The following SCUBE1 variants were observed in gnomAD, a reference collection of about 807,000 sequenced individuals.
SCUBE1 encodes the protein signal peptide, CUB domain and EGF like domain containing 1.
SCUBE1 carries 59 observed loss-of-function variants against 124.4 expected under a neutral mutation model. The ratio of observed to expected loss-of-function variants is 0.47; its 90% CI spans 0.38 to 0.59. The LOEUF is 0.59. SCUBE1 is among the 20% of genes least tolerant of loss of function. The probability of loss-of-function intolerance (pLI) is 0.00; values close to 1 mark genes in which losing one functional copy is unlikely to be tolerated. For synonymous variants in SCUBE1, 545 were observed against 550.9 expected (o/e 0.99, Z 0.15); for missense variants, 1,150 against 1,371.2 (o/e 0.84, Z 2.55).
At chr22:43,273,525 G>A (rs1186923267) in intron 4 of SCUBE1, among the ~76,000 whole-genome samples, 1 of 125,192 alleles carries the variant, frequency 8.0e-6, no homozygotes, top group Non-Finnish European at 1.7e-5. Context: ...AGAACTTGTT[G>A]TTGCCTAATT....
At chr22:43,220,328 T>C (rs1416068277) in intron 14 of SCUBE1, 122 bp downstream of exon 14, 1 of 1,152,818 alleles carries the variant, frequency 8.7e-7, no homozygotes, top group Non-Finnish European at 1.2e-6. Context: ...TGGGCTCCCA[T>C]CCCAGCCACA....
In SCUBE1 at chr22:43,203,033, G is replaced by C. The variant is rs958232186; in HGVS notation, c.*964C>G. The C allele has an allele frequency of 3.3e-5, 5 of 152,322 alleles. No homozygotes were observed. In the South Asian group the frequency reaches 8.3e-4, roughly 25 times the overall value. The allele number at this position is 152,322 out of a possible 1,614,324, so 9.4% of individuals were successfully genotyped here. ...CCTGGGAACGGGTCCGAGGGGAAGT[G>C]TCTTCCACTGAGTCTCGTCCAAGGG... On this transcript the variant is annotated 3_prime_UTR_variant, in exon 22 of 22. Coordinates refer to ENST00000360835, the MANE Select transcript of SCUBE1 (RefSeq NM_173050.5).
rs534635402 is a variant in SCUBE1 at position 43,330,171 on chromosome 22, G to T, written c.220+8933C>A. Among the ~76,000 whole-genome samples the T allele has an allele frequency of 5.9e-5, 9 of 152,266 alleles. No individual in the cohort carries two copies. The South Asian group carries it at 1.7e-3, about 28-fold the overall frequency. On this transcript the variant is annotated intron_variant, in intron 2 of 21. Coordinates refer to ENST00000360835, the MANE Select transcript of SCUBE1 (RefSeq NM_173050.5). ...TCTACTCAAATGCACATTCTGTAAGGCAGGTGTTGTGGCTCCCATGTGATG... is the reference window on the plus strand; with the variant it reads ...TCTACTCAAATGCACATTCTGTAAGTCAGGTGTTGTGGCTCCCATGTGATG...
intron 6 of SCUBE1, among the ~76,000 whole-genome samples, chr22:43,240,358 G>A (rs1412497367): frequency 6.6e-6 from 1 of 152,204 alleles, no homozygotes; most frequent in Non-Finnish European, 1.5e-5. Context: ...CAGTGTGCTG[G>A]TCCCAGGGCT....
chr22:43,258,131 G>T lies in SCUBE1; in HGVS notation c.727+88C>A, dbSNP rs1923732711. 5.5e-6 allele frequency: 5 copies of T among 913,568 alleles called. No individual in the cohort carries two copies. The highest frequency in any genetic ancestry group is 5.2e-5 in the Admixed American group (3 of 57,802). The allele number at this position is 913,568 out of a possible 1,614,324, so 56.6% of individuals were successfully genotyped here. A position where few individuals can be genotyped will look rare whatever the true frequency, so the allele number is the denominator to read the frequency against. On this transcript the variant is annotated intron_variant, in intron 6 of 21. Transcript: ENST00000360835. The surrounding 1 kb of genome is among the most constrained non-coding windows in gnomAD (Gnocchi z 5.0). ...AAGCTTCCTTCCGGGGAACCCGGACGTGGCAGGGTGCTGGCCCTGCTGGTG... is the reference window on the plus strand; with the variant it reads ...AAGCTTCCTTCCGGGGAACCCGGACTTGGCAGGGTGCTGGCCCTGCTGGTG...
chr22:43,316,544 TG>T (rs1926353776), intron 3 of SCUBE1, among the ~76,000 whole-genome samples: 1 of 152,228 alleles, frequency 6.6e-6, no homozygotes, highest in African/African-American at 2.4e-5. Flanking sequence ...CAACGTTGTG[TG>T]GTCCCAGTTC....
chr22:43,332,316 C>T (rs1455608055), intron 2 of SCUBE1, among the ~76,000 whole-genome samples: 1 of 152,070 alleles, frequency 6.6e-6, no homozygotes, highest in African/African-American at 2.4e-5. Context: ...AATAATAGCT[C>T]CCAACACAGC....
At chr22:43,312,428 C>G (rs1182233258) in intron 3 of SCUBE1, among the ~76,000 whole-genome samples, 3 of 152,112 alleles carry the variant, frequency 2.0e-5, no homozygotes, top group Non-Finnish European at 4.4e-5. Flanking sequence ...GTGTAGGACT[C>G]TGCGGGTACA....
rs1324346955 is a variant in SCUBE1, at chr22:43,211,972, C to A, written c.2221+453G>T. ...CACGGTGGGGAAGCAGGGTCAGCAG[C>A]TGAGAATGGGGAGGATTTGGGGGAG... On this transcript the variant is annotated intron_variant, in intron 17 of 21. Transcript: ENST00000360835. The surrounding 1 kb of genome is among the most constrained non-coding windows in gnomAD (Gnocchi z 4.5). 2.0e-5 allele frequency among the ~76,000 whole-genome samples: 3 copies of A among 152,150 alleles called. No individual in the cohort carries two copies. The highest frequency in any genetic ancestry group is 7.2e-5 in the African/African-American group (3 of 41,426).
intron 1 of SCUBE1, among the ~76,000 whole-genome samples, chr22:43,339,728 ACCCCCCACAAGCATAGC>A: frequency 4.1e-5 from 1 of 24,284 alleles, no homozygotes; most frequent in African/African-American, 2.0e-4. Flanking sequence ...TCCTCATTCT[ACCCCCCACAAGCATAGC>A]TCCAACCCTC....
At chr22:43,235,426 C>T (rs537211214) in intron 7 of SCUBE1, among the ~76,000 whole-genome samples, 2 of 152,282 alleles carry the variant, frequency 1.3e-5, no homozygotes, top group East Asian at 3.9e-4. Flanking sequence ...TCCTGGAGTG[C>T]CCAGCAGGGA....
In SCUBE1 at chr22:43,210,611, C is replaced by T. The variant is rs7364313; in HGVS notation, c.2383+311G>A. 0.077 allele frequency among the ~76,000 whole-genome samples: 11,660 copies of T among 152,186 alleles called. 819 individuals carry two copies. The highest frequency in any genetic ancestry group is 0.18 in the African/African-American group (7,404 of 41,522). On this transcript the variant is annotated intron_variant, in intron 18 of 21. Coordinates refer to ENST00000360835, the MANE Select transcript of SCUBE1 (RefSeq NM_173050.5). This position sits in a 1 kb window ranked among gnomAD's most constrained non-coding sequence, Gnocchi z 4.5. ...GTCAGTGCCCCTGTAGGCTGTCAGC[C>T]CCCCCAGCAGACCCAGAAACTAGAG...
In SCUBE1 at chr22:43,255,586, CAAGT is replaced by C. The variant is rs1223944327; in HGVS notation, c.727+2629_727+2632del. 6.5e-7 allele frequency: 1 copy of C among 1,549,448 alleles called. No homozygotes were observed. Among genetic ancestry groups the C allele is most frequent in the African/African-American group, 1.4e-5 (1 of 73,140 alleles). ...TGCAGCCTCATCCTTCTCTAAAACA[CAAGT>C]AAGGGACAAACACGGAGCCAGTGGT... On this transcript the variant is annotated intron_variant, in intron 6 of 21. Coordinates refer to ENST00000360835, the MANE Select transcript of SCUBE1 (RefSeq NM_173050.5). This position sits in a 1 kb window ranked among gnomAD's most constrained non-coding sequence, Gnocchi z 4.7.
At chr22:43,204,763 G>A (rs1022241964) in intron 21 of SCUBE1, among the ~76,000 whole-genome samples, 3 of 151,766 alleles carry the variant, frequency 2.0e-5, no homozygotes, top group African/African-American at 7.3e-5. Context: ...TGATCAACAT[G>A]GGGAAACCCC....
chr22:43,235,184 CTGAGGGT>C (rs1569503413), intron 7 of SCUBE1, among the ~76,000 whole-genome samples: 1 of 152,124 alleles, frequency 6.6e-6, no homozygotes, highest in Non-Finnish European at 1.5e-5. Context: ...TGGAGCGGGT[CTGAGGGT>C]TGAGGGAAGG....
intron 19 of SCUBE1, among the ~76,000 whole-genome samples, 156 bp from the exon 20 acceptor site, chr22:43,208,380 C>T (rs1921389489): frequency 6.6e-6 from 1 of 152,206 alleles, no homozygotes; most frequent in African/African-American, 2.4e-5. Context: ...CCCTCTGCCT[C>T]TGAGGCCCTT....
intron 15 of SCUBE1, among the ~76,000 whole-genome samples, chr22:43,214,793 G>A (rs1006224258): frequency 6.6e-6 from 1 of 152,196 alleles, no homozygotes; most frequent in Non-Finnish European, 1.5e-5. Flanking sequence ...TGGCTACACT[G>A]AACAAATACG....
intron 3 of SCUBE1, 67 bp from the exon 4 acceptor site, chr22:43,291,247 G>T: frequency 6.5e-7 from 1 of 1,537,320 alleles, no homozygotes; most frequent in African/African-American, 1.4e-5. Context: ...ATGAGGGGCT[G>T]GCGGGACAGG....
intron 14 of SCUBE1, among the ~76,000 whole-genome samples, chr22:43,218,737 G>A (rs114986199): frequency 0.012 from 1,800 of 151,314 alleles, 34 homozygotes; most frequent in African/African-American, 0.04. Flanking sequence ...TACGACTCAC[G>A]GGGCAAGAAC....
Sources: gnomAD v4.1 joint callset for allele counts (sites outside exome capture counted in the v4.1 genomes callset) on GRCh38, gnomAD v4.1.1 for gene constraint, Gnocchi (gnomAD v3.1) non-coding constraint, MANE v1.5 for transcripts, NCBI Gene and HGNC (gene_info 2026-07-23, HGNC 2026-07-21) for gene names.